The following CACNA2D4 variants were observed in gnomAD, a reference collection of about 807,000 sequenced individuals.
CACNA2D4 encodes calcium voltage-gated channel auxiliary subunit alpha2delta 4.
CACNA2D4 carries 157 observed loss-of-function variants against 163.8 expected under a neutral mutation model. The observed-to-expected ratio is 0.96, with a 90% CI of 0.84 to 1.09. CACNA2D4 has a LOEUF of 1.09. Ranked by LOEUF, CACNA2D4 falls within the 50% of genes least tolerant of loss-of-function variation. The pLI is 0.00. For synonymous variants in CACNA2D4, 598 were observed against 586.9 expected (o/e 1.02, Z -0.27); for missense variants, 1,410 against 1,479.9 (o/e 0.95, Z 0.78).
intron 6 of CACNA2D4, among the ~76,000 whole-genome samples, chr12:1,903,756 C>T (rs1317721126): frequency 6.6e-6 from 1 of 151,956 alleles, no homozygotes; most frequent in African/African-American, 2.4e-5. Flanking sequence ...CTCATACACT[C>T]ATACACTGTT....
intron 11 of CACNA2D4, among the ~76,000 whole-genome samples, 167 bp from the exon 12 acceptor site, chr12:1,884,488 G>A (rs974859894): frequency 6.6e-6 from 1 of 152,164 alleles, no homozygotes; most frequent in Admixed American, 6.5e-5. Flanking sequence ...CCAGGGCCAT[G>A]GGGACTGCGG....
chr12:1,858,215 G>A (rs1592715150), intron 20 of CACNA2D4, among the ~76,000 whole-genome samples: 3 of 152,276 alleles, frequency 2.0e-5, no homozygotes, highest in Middle Eastern at 6.8e-3. Context: ...CCTCTTTCTG[G>A]CCTCCTTTCT....
chr12:1,899,300 G>A (rs1866484145), intron 6 of CACNA2D4, among the ~76,000 whole-genome samples: 1 of 151,834 alleles, frequency 6.6e-6, no homozygotes, highest in African/African-American at 2.4e-5. Context: ...GAAAGGGAAA[G>A]GAGAACATAA....
intron 3 of CACNA2D4, among the ~76,000 whole-genome samples, chr12:1,910,696 G>A (rs927062045): frequency 1.3e-5 from 2 of 152,198 alleles, no homozygotes; most frequent in Non-Finnish European, 2.9e-5. Flanking sequence ...GCTGATGCAT[G>A]GAACAACACA....
At position 1,810,579 on chromosome 12, in the gene CACNA2D4, A is replaced by T. The variant is rs1217060364; in HGVS notation, c.2622T>A (p.Thr874=). The T allele has an allele frequency of 4.5e-6, 7 of 1,553,344 alleles. No homozygotes were observed. The African/African-American group carries it at 9.6e-5, about 21-fold the overall frequency. Residue 874 remains threonine, a synonymous_variant, in exon 28 of 38, where the codon ACT becomes ACA. Coordinates refer to ENST00000382722, the MANE Select transcript of CACNA2D4 (RefSeq NM_172364.5). The part of the protein sequence containing the change: ...KFWAATRQCS[T]VDGPCTQSCE... ...AGCTCTGTGTGCACGGCCCATCCAC[A>T]GTGCTGCACTGGAAGGAAGAGGAGA...
At chr12:1,858,270 T>C (rs1251927806) in intron 20 of CACNA2D4, among the ~76,000 whole-genome samples, 1 of 152,220 alleles carries the variant, frequency 6.6e-6, no homozygotes, top group Non-Finnish European at 1.5e-5. Context: ...AGCTTTGAGC[T>C]TTGTTTAAAA....
In CACNA2D4 at chr12:1,819,001, T is replaced by TAAAAAA. The variant is rs34331462; in HGVS notation, c.2552-7284_2552-7279dup. Among the ~76,000 whole-genome samples, 1,013 of 127,478 alleles carry TAAAAAA rather than the reference T, an allele frequency of 7.9e-3. 12 individuals are homozygous for TAAAAAA. Among genetic ancestry groups the TAAAAAA allele is most frequent in the African/African-American group, 0.03 (957 of 32,036 alleles). The allele number at this position is 127,478 out of a possible 152,430, so 83.6% of individuals were successfully genotyped here. On this transcript the variant is annotated intron_variant, in intron 26 of 37. Coordinates refer to ENST00000382722, the MANE Select transcript of CACNA2D4 (RefSeq NM_172364.5). ...AATGATCAATAAATACTAAAAAAAT[T>TAAAAAA]AAAAAAAAAAAAAAAAGGAAAGGAG...
At chr12:1,903,707 A>T (rs1002674548) in intron 6 of CACNA2D4, among the ~76,000 whole-genome samples, 1 of 151,478 alleles carries the variant, frequency 6.6e-6, no homozygotes, top group Admixed American at 6.6e-5. Flanking sequence ...TGTATCCAAA[A>T]AACAGGCAAT....
chr12:1,862,395 A>G (rs929532461), intron 18 of CACNA2D4, among the ~76,000 whole-genome samples: 2 of 152,148 alleles, frequency 1.3e-5, no homozygotes, highest in African/African-American at 4.8e-5. Flanking sequence ...AGTCTTTTAA[A>G]TTTTAGCCAC....
At chr12:1,905,818 G>A (rs570386300) in intron 6 of CACNA2D4, among the ~76,000 whole-genome samples, 3 of 152,150 alleles carry the variant, frequency 2.0e-5, no homozygotes, top group South Asian at 2.1e-4. Flanking sequence ...CAATCACAAC[G>A]AGCAAGAGAA....
In CACNA2D4 at chr12:1,831,517, C is replaced by T. The variant is rs1377770531; in HGVS notation, c.2551+9222G>A. ...TTCAAACACTGGATGGAGTGGTTCT[C>T]CTACCGAGGTGAGCGCAGCCGGCCC... On this transcript the variant is annotated intron_variant, in intron 26 of 37. Coordinates refer to ENST00000382722, the MANE Select transcript of CACNA2D4 (RefSeq NM_172364.5). 2 of 1,611,926 alleles carry T rather than the reference C, an allele frequency of 1.2e-6. No individual in the cohort carries two copies. The highest frequency in any genetic ancestry group is 1.7e-5 in the Admixed American group (1 of 59,950).
chr12:1,865,175 G>A (rs1865618992), intron 18 of CACNA2D4, among the ~76,000 whole-genome samples: 1 of 152,196 alleles, frequency 6.6e-6, no homozygotes, highest in African/African-American at 2.4e-5. Flanking sequence ...GGGAAGGCGC[G>A]TCTTGCTCGT....
At chr12:1,854,321 C>A (rs907801928) in intron 22 of CACNA2D4, among the ~76,000 whole-genome samples, 2 of 152,176 alleles carry the variant, frequency 1.3e-5, no homozygotes, top group Admixed American at 6.5e-5. Flanking sequence ...CAGGTTGGAT[C>A]TTCCCAGTCT....
chr12:1,872,850 G>A (rs75627253), intron 18 of CACNA2D4, among the ~76,000 whole-genome samples: 2,238 of 152,304 alleles, frequency 0.015, 62 homozygotes, highest in African/African-American at 0.05. Flanking sequence ...AGGAGAAGGC[G>A]ATGAGTGTTC....
At chr12:1,811,581 C>T in intron 27 of CACNA2D4, 81 bp downstream of exon 27, 1 of 1,407,994 alleles carries the variant, frequency 7.1e-7, no homozygotes, top group Non-Finnish European at 9.8e-7. Context: ...AGTGGAGCAT[C>T]CAAGGGGAGG....
chr12:1,796,531 C>T (rs1213870021), intron 35 of CACNA2D4, among the ~76,000 whole-genome samples: 2 of 152,224 alleles, frequency 1.3e-5, no homozygotes, highest in African/African-American at 2.4e-5. Context: ...TCGCTTCACT[C>T]CGGAGCCCGC....
chr12:1,828,183 G>A lies in CACNA2D4; in HGVS notation c.2551+12556C>T, dbSNP rs1446545719. ...CCGGGCAGCAGCCCTGGGCAGAGGG[G>A]CAGGCTCGCCCTGCAGTGGAGGCAA... On this transcript the variant is annotated intron_variant, in intron 26 of 37. Transcript: ENST00000382722. The surrounding 1 kb of genome is among the most constrained non-coding windows in gnomAD (Gnocchi z 4.2). The A allele has an allele frequency of 3.9e-6, 6 of 1,547,032 alleles. No homozygotes were observed. Among genetic ancestry groups the A allele is most frequent in the Admixed American group, 2.0e-5 (1 of 50,682 alleles).
intron 34 of CACNA2D4, among the ~76,000 whole-genome samples, chr12:1,797,875 G>A (rs1053713156): frequency 2.6e-5 from 4 of 152,198 alleles, no homozygotes; most frequent in Non-Finnish European, 5.9e-5. Context: ...GGGAGGGTCT[G>A]AGCGGGGAGC....
At chr12:1,895,904 G>A (rs1267569310) in intron 6 of CACNA2D4, among the ~76,000 whole-genome samples, 1 of 152,096 alleles carries the variant, frequency 6.6e-6, no homozygotes, top group Non-Finnish European at 1.5e-5. Flanking sequence ...CTCCTAAAGT[G>A]ATGAGATTAC....
Sources: allele counts gnomAD v4.1 joint callset (sites outside exome capture counted in the v4.1 genomes callset), GRCh38; gene constraint gnomAD v4.1.1; non-coding constraint Gnocchi (gnomAD v3.1); transcripts MANE v1.5; gene names NCBI Gene and HGNC (gene_info 2026-07-23, HGNC 2026-07-21).